The following C12orf56 variants were observed in gnomAD, a reference collection of about 807,000 sequenced individuals.
C12orf56 encodes the protein chromosome 12 open reading frame 56.
Under a neutral mutation model 69.9 loss-of-function variants are expected in C12orf56, and 71 were observed. The ratio of observed to expected loss-of-function variants is 1.02; its 90% CI spans 0.84 to 1.24. C12orf56 has a LOEUF of 1.24. Among genes scored for constraint, C12orf56 ranks in the 50% most tolerant of loss-of-function variants. C12orf56 has a pLI of 0.00. For synonymous variants in C12orf56, 276 were observed against 274.1 expected (o/e 1.01, Z -0.07); for missense variants, 732 against 738.5 (o/e 0.99, Z 0.10).
At chr12:64,376,289 C>G (rs766576781) in intron 1 of C12orf56, among the ~76,000 whole-genome samples, 1 of 152,150 alleles carries the variant, frequency 6.6e-6, no homozygotes, top group Non-Finnish European at 1.5e-5. Context: ...CTTCCACAAC[C>G]AGCAGGATGC....
chr12:64,355,077 C>CAAAAAA (rs59799966), intron 1 of C12orf56, among the ~76,000 whole-genome samples: 4 of 87,616 alleles, frequency 4.6e-5, no homozygotes, highest in African/African-American at 1.9e-4. Flanking sequence ...GACTCCGTCT[C>CAAAAAA]AAAAAAAAAA....
At chr12:64,340,314 T>C (rs1313045374) in intron 2 of C12orf56, among the ~76,000 whole-genome samples, 2 of 152,064 alleles carry the variant, frequency 1.3e-5, no homozygotes, top group African/African-American at 4.8e-5. Flanking sequence ...CTGACTCAAA[T>C]GTTAATTTCC....
chr12:64,304,371 A>T (rs186903270), intron 5 of C12orf56, among the ~76,000 whole-genome samples: 246 of 152,248 alleles, frequency 1.6e-3, no homozygotes, highest in African/African-American at 5.5e-3. Context: ...TCCACCATGG[A>T]ATTCAAAGTT....
chr12:64,320,210 C>G (rs976864408), intron 3 of C12orf56, among the ~76,000 whole-genome samples: 2 of 152,240 alleles, frequency 1.3e-5, no homozygotes, highest in African/African-American at 4.8e-5. Context: ...ACACTCACCA[C>G]ATAGCCCAAG....
intron 3 of C12orf56, among the ~76,000 whole-genome samples, chr12:64,327,160 C>G (rs1054111407): frequency 6.6e-6 from 1 of 151,630 alleles, no homozygotes; most frequent in African/African-American, 2.4e-5. Context: ...TGACCTTGGC[C>G]TTCTCAGCCT....
intron 6 of C12orf56, among the ~76,000 whole-genome samples, chr12:64,287,039 T>G (rs1309237008): frequency 2.0e-5 from 3 of 151,870 alleles, no homozygotes; most frequent in Non-Finnish European, 4.4e-5. Flanking sequence ...GAGTTCGAAA[T>G]CAGCCTGGCC....
At chr12:64,286,949 G>A (rs1446834450) in intron 6 of C12orf56, among the ~76,000 whole-genome samples, 4 of 151,784 alleles carry the variant, frequency 2.6e-5, no homozygotes, top group Non-Finnish European at 5.9e-5. Flanking sequence ...AAAGAAGGAA[G>A]GACTTGGCCA....
chr12:64,316,493 T>C (rs1287452041), intron 4 of C12orf56, among the ~76,000 whole-genome samples: 1 of 152,224 alleles, frequency 6.6e-6, no homozygotes, highest in Non-Finnish European at 1.5e-5. Flanking sequence ...CAAACGATCC[T>C]GCTGTCTCAG....
intron 8 of C12orf56, among the ~76,000 whole-genome samples, chr12:64,280,317 C>T (rs936037956): frequency 3.3e-5 from 5 of 152,002 alleles, no homozygotes; most frequent in Non-Finnish European, 5.9e-5. Context: ...TAAAAACAGT[C>T]CCAACAGTTT....
intron 1 of C12orf56, among the ~76,000 whole-genome samples, chr12:64,354,679 G>A (rs7958036): frequency 1.1e-4 from 16 of 151,070 alleles, no homozygotes; most frequent in Admixed American, 2.6e-4. Context: ...GGCTGGTCTC[G>A]AACTCCTGAC....
At chr12:64,386,402 T>A (rs867914867) in intron 1 of C12orf56, among the ~76,000 whole-genome samples, 3,707 of 98,920 alleles carry the variant, frequency 0.037, 110 homozygotes, top group African/African-American at 0.076. Flanking sequence ...ATATATATTT[T>A]TTTTTTTTTT....
Position 64,338,104 on chromosome 12 carries a change from T to C in C12orf56, c.416-7072A>G, listed in dbSNP as rs1296156354. ...GAGGAAGCTACAGAGACATTTGTGTTTCTTCAAATATCAGAAGCTTCCACA... is the reference window on the plus strand; with the variant it reads ...GAGGAAGCTACAGAGACATTTGTGTCTCTTCAAATATCAGAAGCTTCCACA... On this transcript the variant is annotated intron_variant, in intron 2 of 12. Coordinates refer to ENST00000543942, the MANE Select transcript of C12orf56 (RefSeq NM_001170633.2). 2.1e-5 allele frequency: 10 copies of C among 472,456 alleles called. No individual in the cohort carries two copies. The East Asian group carries it at 5.4e-4, about 26-fold the overall frequency. The allele number at this position is 472,456 out of a possible 1,614,324, so 29.3% of individuals were successfully genotyped here.
intron 5 of C12orf56, among the ~76,000 whole-genome samples, chr12:64,306,971 A>G (rs952826306): frequency 2.0e-5 from 3 of 152,146 alleles, no homozygotes; most frequent in Non-Finnish European, 2.9e-5. Context: ...AAATCATGGC[A>G]TTTTAAGTAT....
Position 64,269,625 on chromosome 12 carries a change from G to A in C12orf56, c.1763+911C>T, listed in dbSNP as rs140290531. Among the ~76,000 whole-genome samples the A allele has an allele frequency of 4.5e-3, 671 of 150,542 alleles. 2 individuals carry two copies. The highest frequency in any genetic ancestry group is 0.015 in the African/African-American group (612 of 40,934). Reference sequence around the variant, plus strand: ...TTTTTTTGAGGCGGAATATCCCTCCGTTGCCCAGGCTGGAGTGTGTCAGCA... The same window carrying A: ...TTTTTTTGAGGCGGAATATCCCTCCATTGCCCAGGCTGGAGTGTGTCAGCA... On this transcript the variant is annotated intron_variant, in intron 12 of 12. Coordinates refer to ENST00000543942, the MANE Select transcript of C12orf56 (RefSeq NM_001170633.2).
chr12:64,352,386 CT>C (rs2039241047), intron 2 of C12orf56: 1 of 152,348 alleles, frequency 6.6e-6, no homozygotes, highest in South Asian at 2.1e-4. Context: ...ACAGCGCCCC[CT>C]GTCAGCTGGA....
chr12:64,387,077 CAAAAAAAAAAAAAAAAAAAAAA>C (rs869290282), intron 1 of C12orf56, among the ~76,000 whole-genome samples: 2 of 42,086 alleles, frequency 4.8e-5, no homozygotes, highest in African/African-American at 1.1e-4. Flanking sequence ...GACTCTATCT[CAAAAAAAAAAAAAAAAAAAAAA>C]AAAAAAAAAA....
At chr12:64,343,880 C>G (rs1156361425) in intron 2 of C12orf56, among the ~76,000 whole-genome samples, 1 of 152,140 alleles carries the variant, frequency 6.6e-6, no homozygotes, top group Non-Finnish European at 1.5e-5. Context: ...CCTCAATCTA[C>G]CAGCCAATGT....
intron 2 of C12orf56, among the ~76,000 whole-genome samples, chr12:64,340,802 A>C (rs7307705): frequency 1.3e-5 from 2 of 151,932 alleles, no homozygotes; most frequent in Non-Finnish European, 2.9e-5. Flanking sequence ...CCCATTCTGT[A>C]TTCTTTTTGC....
At chr12:64,345,981 G>C (rs1356488543) in intron 2 of C12orf56, among the ~76,000 whole-genome samples, 1 of 152,118 alleles carries the variant, frequency 6.6e-6, no homozygotes, top group Non-Finnish European at 1.5e-5. Flanking sequence ...TTTGGTCTAA[G>C]CATGTAAAGC....
Sources: gnomAD v4.1 joint callset for allele counts (sites outside exome capture counted in the v4.1 genomes callset) on GRCh38, gnomAD v4.1.1 for gene constraint, MANE v1.5 for transcripts, NCBI Gene and HGNC (gene_info 2026-07-23, HGNC 2026-07-21) for gene names.